Variants in MLLT6 observed in about 807,000 individuals in gnomAD.
MLLT6 encodes protein AF-17.
A neutral mutation model predicts 103.0 loss-of-function variants in MLLT6; 22 were observed. The ratio of observed to expected loss-of-function variants is 0.21; its 90% CI spans 0.15 to 0.31. MLLT6 has a LOEUF of 0.31. MLLT6 is among the 10% of genes least tolerant of loss of function. MLLT6 has a pLI of 1.00. For missense variants in MLLT6, 1,199 were observed against 1,441.7 expected, an observed-to-expected ratio of 0.83 and a Z score of 2.73; for synonymous variants, 606 against 623.5, an observed-to-expected ratio of 0.97 and a Z score of 0.42.
rs1230356538 is a variant in MLLT6 at position 38,720,735 on chromosome 17, C to T, written c.2430C>T (p.Ser810=). Residue 810 remains serine, a synonymous_variant, in exon 16 of 20, where the codon TCC becomes TCT. Coordinates refer to ENST00000621332, the MANE Select transcript of MLLT6 (RefSeq NM_005937.4). ...GCCTCGGCCTGGACAACTCGCTGTC[C>T]ACTTCTTCTGAGGTGGGCGCTACGA... is the stretch of plus-strand genomic sequence containing the variant. ...KSSLGLDNSL[S]TSSEDPHSGC... The T allele has an allele frequency of 6.2e-7, 1 of 1,613,718 alleles. No homozygotes were observed. The highest frequency in any genetic ancestry group is 8.5e-7 in the Non-Finnish European group (1 of 1,180,010).
chr17:38,720,225 C>T (rs1368821432), intron 14 of MLLT6, 147 bp from the exon 15 acceptor site: 6 of 822,336 alleles, frequency 7.3e-6, no homozygotes, highest in African/African-American at 3.4e-5. Flanking sequence ...TCCCGCCTCT[C>T]TTCTCAGAGC....
intron 14 of MLLT6, 64 bp downstream of exon 14, chr17:38,719,959 G>A: frequency 6.7e-7 from 1 of 1,489,028 alleles, no homozygotes; most frequent in Non-Finnish European, 8.9e-7. Context: ...CTTTCTCCCC[G>A]AGGTCCCCAA....
At position 38,728,188 on chromosome 17, in the gene MLLT6, A is replaced by C. The variant is rs1049036982; in HGVS notation, c.*2590A>C. The C allele has an allele frequency of 4.7e-5, 11 of 232,678 alleles. No individual in the cohort carries two copies. Among genetic ancestry groups the C allele is most frequent in the Non-Finnish European group, 8.5e-5 (10 of 118,072 alleles). 14.4% of individuals were successfully genotyped at this position (232,678 alleles called of 1,614,324 possible). A position where few individuals can be genotyped will look rare whatever the true frequency, so the allele number is the denominator to read the frequency against. ...CAGCCCTCTTCTCCTCTTCCCCCCC[A>C]CATCTCTCATGAGAGAGGTAGTGGC... is the stretch of plus-strand genomic sequence containing the variant. On this transcript the variant is annotated 3_prime_UTR_variant, in exon 20 of 20. Transcript: ENST00000621332.
Position 38,719,544 on chromosome 17 carries a change from G to T in MLLT6, c.1970G>T (p.Arg657Leu). ...CCAGACCTGGAGGACTGCAGCTTCC[G>T]GTGTCGGGGGACCTCCCCTCAGGAG... ...TEPDLEDCSFRCRGTSPQESL... is the reference protein window; with the variant it reads ...TEPDLEDCSFLCRGTSPQESL... The change falls in exon 13 of 20, where the codon CGG (arginine) becomes CTG (leucine). Residue 657 changes from arginine to leucine, a missense_variant. Coordinates refer to ENST00000621332, the MANE Select transcript of MLLT6 (RefSeq NM_005937.4). 6.2e-7 allele frequency: 1 copy of T among 1,611,658 alleles called. No homozygotes were observed. Among genetic ancestry groups the T allele is most frequent in the Non-Finnish European group, 8.5e-7 (1 of 1,179,160 alleles).
intron 7 of MLLT6, 79 bp from the exon 8 acceptor site, chr17:38,712,612 C>A: frequency 1.1e-6 from 1 of 918,142 alleles, no homozygotes. Flanking sequence ...GGGGTGTCAG[C>A]TCCCCATACC....
At position 38,729,133 on chromosome 17, in the gene MLLT6, A is replaced by G; in HGVS notation, c.*3535A>G. ...GGTAACCTCCACGCTTCTCTCTCCC[A>G]AATTGGAAATGAAGACAGGTTTTCA... is the stretch of plus-strand genomic sequence containing the variant. On this transcript the variant is annotated 3_prime_UTR_variant, in exon 20 of 20. Coordinates refer to ENST00000621332, the MANE Select transcript of MLLT6 (RefSeq NM_005937.4). 4.3e-6 allele frequency: 1 copy of G among 233,208 alleles called. No individual in the cohort carries two copies. 14.4% of individuals were successfully genotyped at this position (233,208 alleles called of 1,614,324 possible). A position where few individuals can be genotyped will look rare whatever the true frequency, so the allele number is the denominator to read the frequency against.
chr17:38,716,747 A>C lies in MLLT6; in HGVS notation c.1417A>C (p.Arg473=), dbSNP rs1905364545. The change falls in exon 10 of 20, where the codon AGG becomes CGG. Residue 473 remains arginine, a synonymous_variant. Coordinates refer to ENST00000621332, the MANE Select transcript of MLLT6 (RefSeq NM_005937.4). The surrounding 1 kb of genome is among the most constrained non-coding windows in gnomAD (Gnocchi z 5.6). Reference sequence around the variant, plus strand: ...GGAGAAGAAGCACAAAGCCAGCAAGAGGAGCCGCCATGGGCCAGGCCGTCC... The same window carrying C: ...GGAGAAGAAGCACAAAGCCAGCAAGCGGAGCCGCCATGGGCCAGGCCGTCC... ...LKEKKHKASK[R]SRHGPGRPKG... is the part of the protein sequence containing the mutation. 13 of 1,608,446 alleles carry C rather than the reference A, an allele frequency of 8.1e-6. No homozygotes were observed. The highest frequency in any genetic ancestry group is 1.1e-5 in the Non-Finnish European group (13 of 1,177,704).
chr17:38,713,167 A>G, intron 8 of MLLT6: 1 of 629,610 alleles, frequency 1.6e-6, no homozygotes, highest in Non-Finnish European at 2.9e-6. Context: ...TCAGGAGGAC[A>G]CCCAAAGCTT....
In MLLT6 at chr17:38,720,359, G is replaced by T; in HGVS notation, c.2156-13G>T. 1 of 1,276,514 alleles carries T rather than the reference G, an allele frequency of 7.8e-7. No homozygotes were observed. The highest frequency in any genetic ancestry group is 1.0e-6 in the Non-Finnish European group (1 of 969,614). The allele number at this position is 1,276,514 out of a possible 1,614,324, so 79.1% of individuals were successfully genotyped here. A position where few individuals can be genotyped will look rare whatever the true frequency, so the allele number is the denominator to read the frequency against. ...CCCTCGCCCCTCCCTCAGGTTCCTC[G>T]CTCTCTCCGCAGTCGTGGAGATGCT... On this transcript the variant is annotated splice_polypyrimidine_tract_variant and intron_variant, in intron 14 of 19. Transcript: ENST00000621332.
Position 38,725,608 on chromosome 17 carries a change from T to A in MLLT6, c.*10T>A. The A allele has an allele frequency of 6.3e-7, 1 of 1,587,072 alleles. No homozygotes were observed. Reference sequence around the variant, plus strand: ...CCAGGAAAAAGGCTAAATCCACCCTTACCCCTCCTGACCCCCCCAAGTGGA... The same window carrying A: ...CCAGGAAAAAGGCTAAATCCACCCTAACCCCTCCTGACCCCCCCAAGTGGA... On this transcript the variant is annotated 3_prime_UTR_variant, in exon 20 of 20. Coordinates refer to ENST00000621332, the MANE Select transcript of MLLT6 (RefSeq NM_005937.4).
Position 38,716,160 on chromosome 17 carries a change from C to T in MLLT6, c.1037-207C>T, listed in dbSNP as rs138234524. The stretch of plus-strand genomic sequence containing the variant: ...GTCATCTGGTGAGGCCAGTAGGGTG[C>T]GAGTTACTCTCCCCCATTTTATTAC... On this transcript the variant is annotated intron_variant, in intron 9 of 19. Coordinates refer to ENST00000621332, the MANE Select transcript of MLLT6 (RefSeq NM_005937.4). This position sits in a 1 kb window ranked among gnomAD's most constrained non-coding sequence, Gnocchi z 5.6. 3.1e-4 allele frequency: 190 copies of T among 610,900 alleles called. 1 individual carries two copies. The African/African-American group carries it at 3.2e-3, about 10-fold the overall frequency. 37.8% of individuals were successfully genotyped at this position (610,900 alleles called of 1,614,324 possible). A position where few individuals can be genotyped will look rare whatever the true frequency, so the allele number is the denominator to read the frequency against.
chr17:38,708,015 C>T (rs1905004023), intron 4 of MLLT6, 143 bp downstream of exon 4: 2 of 631,504 alleles, frequency 3.2e-6, no homozygotes, highest in Non-Finnish European at 5.8e-6. Context: ...TACCAGTGAA[C>T]CACCCTTCTG....
chr17:38,712,838 AGAGG>A, intron 8 of MLLT6, 49 bp downstream of exon 8: 3 of 1,410,372 alleles, frequency 2.1e-6, no homozygotes, highest in Non-Finnish European at 3.0e-6. Context: ...CTGGGGTGGC[AGAGG>A]GAGGGAGGCG....
At chr17:38,711,707 CAT>C in intron 6 of MLLT6, 138 bp from the exon 7 acceptor site, 1 of 1,073,380 alleles carries the variant, frequency 9.3e-7, no homozygotes, top group Non-Finnish European at 1.3e-6. Context: ...AGCAGAGCAT[CAT>C]AGAGGACATG....
rs778262826 is a variant in MLLT6 at position 38,716,128 on chromosome 17, C to T, written c.1037-239C>T. ...CCCCATTAACATTTTCTCCTATAAT[C>T]GCTACAGTCATCTGGTGAGGCCAGT... On this transcript the variant is annotated intron_variant, in intron 9 of 19. Coordinates refer to ENST00000621332, the MANE Select transcript of MLLT6 (RefSeq NM_005937.4). The surrounding 1 kb of genome is among the most constrained non-coding windows in gnomAD (Gnocchi z 5.6). The T allele has an allele frequency of 1.3e-5, 8 of 600,536 alleles. No homozygotes were observed. The highest frequency in any genetic ancestry group is 2.1e-5 in the South Asian group (1 of 46,972). The allele number at this position is 600,536 out of a possible 1,614,324, so 37.2% of individuals were successfully genotyped here. A position where few individuals can be genotyped will look rare whatever the true frequency, so the allele number is the denominator to read the frequency against.
At chr17:38,706,109 G>A (rs1567921899) in intron 1 of MLLT6, 1 of 153,358 alleles carries the variant, frequency 6.5e-6, no homozygotes, top group East Asian at 1.9e-4. Context: ...GGAGGAAGAG[G>A]TCAAGGGGGG....
Position 38,709,694 on chromosome 17 carries a change from A to C in MLLT6, c.552+119A>C. Reference sequence around the variant, plus strand: ...AGGAGGACAGAGAGGGAAAAAACCCAGTCCCTGCCCAAGAGGAGCTCTTCA... The same window carrying C: ...AGGAGGACAGAGAGGGAAAAAACCCCGTCCCTGCCCAAGAGGAGCTCTTCA... On this transcript the variant is annotated intron_variant, in intron 6 of 19. Transcript: ENST00000621332. The surrounding 1 kb of genome is among the most constrained non-coding windows in gnomAD (Gnocchi z 4.3). 1 of 738,220 alleles carries C rather than the reference A, an allele frequency of 1.4e-6. No individual in the cohort carries two copies. Among genetic ancestry groups the C allele is most frequent in the Non-Finnish European group, 2.4e-6 (1 of 422,396 alleles). The allele number at this position is 738,220 out of a possible 1,614,324, so 45.7% of individuals were successfully genotyped here. A position where few individuals can be genotyped will look rare whatever the true frequency, so the allele number is the denominator to read the frequency against.
chr17:38,711,979 A>G lies in MLLT6; in HGVS notation c.685A>G (p.Lys229Glu), dbSNP rs774725471. The G allele has an allele frequency of 3.1e-6, 5 of 1,604,540 alleles. No individual in the cohort carries two copies. The highest frequency in any genetic ancestry group is 2.2e-5 in the South Asian group (2 of 90,018). ...AGCCTCACCATCCACGCAGCAGGAG[A>G]AGCACCCCACCCACCACGAGAGGGG... The part of the protein sequence containing the change: ...RSASPSTQQE[K>E]HPTHHERGQK... Residue 229 changes from lysine to glutamate, a missense_variant, in exon 7 of 20, where the codon AAG becomes GAG. Transcript: ENST00000621332.
chr17:38,708,994 C>T (rs1328365198), intron 4 of MLLT6, 179 bp from the exon 5 acceptor site: 1 of 595,182 alleles, frequency 1.7e-6, no homozygotes, highest in African/African-American at 1.9e-5. Flanking sequence ...GCCCATGTGA[C>T]TGGTGGCATT....
Sources: allele counts gnomAD v4.1 joint callset, GRCh38; gene constraint gnomAD v4.1.1; non-coding constraint Gnocchi (gnomAD v3.1); transcripts MANE v1.5; gene names NCBI Gene and HGNC (gene_info 2026-07-23, HGNC 2026-07-21).